Variants in CCNB1IP1 observed in about 807,000 individuals in gnomAD.
CCNB1IP1 encodes the protein cyclin B1 interacting protein 1.
CCNB1IP1 carries 14 observed loss-of-function variants against 25.6 expected under a neutral mutation model. The ratio of observed to expected loss-of-function variants is 0.55; its 90% CI spans 0.36 to 0.85. The LOEUF (loss-of-function observed/expected upper bound fraction) is 0.85, where lower values mean the gene tolerates loss of function less well. Among genes scored for constraint, CCNB1IP1 ranks in the 40% least tolerant of loss-of-function variants. The pLI, the probability that CCNB1IP1 is intolerant of heterozygous loss-of-function variation, is 0.01. For synonymous variants in CCNB1IP1, 119 were observed against 116.1 expected, an observed-to-expected ratio of 1.02 and a Z score of -0.16; for missense variants, 278 against 342.4, an observed-to-expected ratio of 0.81 and a Z score of 1.48.
At chr14:20,317,189 T>C (rs1018873507) in intron 4 of CCNB1IP1, among the ~76,000 whole-genome samples, 1 of 151,800 alleles carries the variant, frequency 6.6e-6, no homozygotes, top group Non-Finnish European at 1.5e-5. Context: ...GGCGGGCGGA[T>C]CACGAGGTCA....
At chr14:20,315,678 T>C (rs1440710087) in intron 5 of CCNB1IP1, 1 of 1,235,624 alleles carries the variant, frequency 8.1e-7, no homozygotes, top group Non-Finnish European at 1.0e-6. Context: ...AGAATGCTTA[T>C]CATAGCATTT....
rs1395552470 is a variant in CCNB1IP1 at position 20,325,662 on chromosome 14, GACAACAAAAGCTAAAAA to G, written c.-152-26_-152-10del. Reference sequence around the variant, plus strand: ...CTCTTGAAATTTTACTCCTGCAAAAGACAACAAAAGCTAAAAAATTATTTCAAGTCCTGATGTTACTT... The same window carrying G: ...CTCTTGAAATTTTACTCCTGCAAAAGATTATTTCAAGTCCTGATGTTACTT... On this transcript the variant is annotated splice_polypyrimidine_tract_variant and intron_variant, in intron 3 of 6. Transcript: ENST00000358932. The G allele has an allele frequency of 6.6e-6, 1 of 152,062 alleles. No homozygotes were observed. Among genetic ancestry groups the G allele is most frequent in the Non-Finnish European group, 1.5e-5 (1 of 68,008 alleles). 9.4% of individuals were successfully genotyped at this position (152,062 alleles called of 1,614,324 possible).
At chr14:20,332,415 A>C (rs138897745) in intron 1 of CCNB1IP1, among the ~76,000 whole-genome samples, 98 of 152,334 alleles carry the variant, frequency 6.4e-4, no homozygotes, top group South Asian at 1.9e-3. Context: ...TTTTATGAGA[A>C]AACAGATATC....
At chr14:20,324,788 A>G (rs576568404) in intron 4 of CCNB1IP1, among the ~76,000 whole-genome samples, 97 of 152,114 alleles carry the variant, frequency 6.4e-4, no homozygotes, top group Non-Finnish European at 4.4e-4. Flanking sequence ...CAGAACCCAT[A>G]TATATACTAT....
intron 4 of CCNB1IP1, chr14:20,323,365 TA>T (rs1882957851): frequency 1.3e-5 from 2 of 152,162 alleles, no homozygotes; most frequent in South Asian, 4.2e-4. Context: ...GAAACGTTTA[TA>T]AAAAATAAAG....
chr14:20,328,708 C>G (rs1179748086), intron 2 of CCNB1IP1, among the ~76,000 whole-genome samples: 1 of 152,156 alleles, frequency 6.6e-6, no homozygotes, highest in African/African-American at 2.4e-5. Context: ...TTGCAAGAGG[C>G]CTGGTCTTTT....
intron 4 of CCNB1IP1, among the ~76,000 whole-genome samples, chr14:20,322,340 C>T (rs944755827): frequency 6.6e-5 from 10 of 152,106 alleles, no homozygotes; most frequent in Admixed American, 2.0e-4. Context: ...CTCCCACACC[C>T]AGAGACTAGG....
chr14:20,315,512 G>A (rs1882662128), intron 5 of CCNB1IP1: 1 of 1,151,480 alleles, frequency 8.7e-7, no homozygotes, highest in South Asian at 1.8e-5. Flanking sequence ...AAAGTTACTT[G>A]ACAGATGACA....
At chr14:20,322,964 C>T (rs1370905495) in intron 4 of CCNB1IP1, among the ~76,000 whole-genome samples, 2 of 152,024 alleles carry the variant, frequency 1.3e-5, no homozygotes, top group African/African-American at 2.4e-5. Flanking sequence ...GTGTGAGCAA[C>T]CACTCTAAAA....
Position 20,316,242 on chromosome 14 carries a change from G to C in CCNB1IP1, c.282C>G (p.Ala94=), listed in dbSNP as rs767880640. ...IVLDISSRAL[A]FWTYQVHQER... is the part of the protein sequence containing the mutation. ...AAGCACTAACCTGATATGTCCAGAAGGCCAGCGCTCGGGAGCTAATGTCCA... is the reference window on the plus strand; with the variant it reads ...AAGCACTAACCTGATATGTCCAGAACGCCAGCGCTCGGGAGCTAATGTCCA... The change falls in exon 5 of 7, where the codon GCC becomes GCG. Residue 94 remains alanine, a synonymous_variant. Coordinates refer to ENST00000358932, the MANE Select transcript of CCNB1IP1 (RefSeq NM_021178.5). The C allele has an allele frequency of 3.1e-6, 5 of 1,613,706 alleles. No individual in the cohort carries two copies. The South Asian group carries it at 4.4e-5, about 14-fold the overall frequency.
intron 2 of CCNB1IP1, among the ~76,000 whole-genome samples, chr14:20,327,093 T>A (rs960531682): frequency 2.6e-5 from 4 of 151,502 alleles, no homozygotes; most frequent in Admixed American, 2.0e-4. Context: ...ACAAAAAAAA[T>A]TTAACAACAA....
intron 1 of CCNB1IP1, among the ~76,000 whole-genome samples, chr14:20,331,398 C>T (rs1033877512): frequency 8.5e-5 from 13 of 152,158 alleles, no homozygotes; most frequent in African/African-American, 2.9e-4. Context: ...ATTTTCCTTT[C>T]GGTAGAAAAT....
At chr14:20,326,990 AG>A in intron 2 of CCNB1IP1, among the ~76,000 whole-genome samples, 197 bp from the exon 3 acceptor site, 1 of 152,078 alleles carries the variant, frequency 6.6e-6, no homozygotes. Flanking sequence ...AATATCAAAT[AG>A]GGCAGGATCA....
At chr14:20,319,651 A>G (rs1882829856) in intron 4 of CCNB1IP1, among the ~76,000 whole-genome samples, 1 of 152,224 alleles carries the variant, frequency 6.6e-6, no homozygotes, top group East Asian at 1.9e-4. Context: ...CAATTTATCC[A>G]TTCTTCTAAT....
chr14:20,330,372 C>T (rs1227634550), intron 1 of CCNB1IP1, among the ~76,000 whole-genome samples: 1 of 152,182 alleles, frequency 6.6e-6, no homozygotes, highest in African/African-American at 2.4e-5. Flanking sequence ...AGCTGAAAAA[C>T]TTCCTATTGG....
chr14:20,327,418 T>C (rs1004316433), intron 2 of CCNB1IP1, among the ~76,000 whole-genome samples: 32 of 151,844 alleles, frequency 2.1e-4, no homozygotes, highest in African/African-American at 7.3e-4. Flanking sequence ...TCCCTTTATA[T>C]AGGAAAATTG....
At chr14:20,330,131 C>A (rs1464011042) in intron 1 of CCNB1IP1, among the ~76,000 whole-genome samples, 1 of 148,826 alleles carries the variant, frequency 6.7e-6, no homozygotes, top group African/African-American at 2.5e-5. Context: ...AAAAACATGT[C>A]CTTTGCAGCA....
In CCNB1IP1 at chr14:20,316,557, A is replaced by G. The variant is rs755725732; in HGVS notation, c.-34T>C. 1.3e-6 allele frequency: 2 copies of G among 1,558,622 alleles called. No homozygotes were observed. Among genetic ancestry groups the G allele is most frequent in the African/African-American group, 1.4e-5 (1 of 73,800 alleles). ...AGTGAGGTCTCCAGAAGCTGAAGAG[A>G]GGCCTAAGAAGGGGTAAATAAAAAG... On this transcript the variant is annotated 5_prime_UTR_variant, in exon 5 of 7. Coordinates refer to ENST00000358932, the MANE Select transcript of CCNB1IP1 (RefSeq NM_021178.5).
rs1181524330 is a variant in CCNB1IP1 at position 20,316,650 on chromosome 14, A to T, written c.-37-90T>A. 4.7e-6 allele frequency: 3 copies of T among 643,452 alleles called. No homozygotes were observed. In the East Asian group the frequency reaches 8.2e-5, roughly 18 times the overall value. 39.9% of individuals were successfully genotyped at this position (643,452 alleles called of 1,614,324 possible). ...AATATAACATGCACGTTTTTATCAT[A>T]AAATACTGCACATTTTATTATATTC... On this transcript the variant is annotated intron_variant, in intron 4 of 6. Transcript: ENST00000358932.
Sources: gnomAD v4.1 joint callset for allele counts (sites outside exome capture counted in the v4.1 genomes callset) on GRCh38, gnomAD v4.1.1 for gene constraint, MANE v1.5 for transcripts, NCBI Gene and HGNC (gene_info 2026-07-23, HGNC 2026-07-21) for gene names.